CFAP97: variants seen among roughly 807,000 people sequenced by gnomAD.
CFAP97 encodes the protein cilia- and flagella-associated protein 97.
CFAP97 carries 36 observed loss-of-function variants against 43.1 expected under a neutral mutation model. The ratio of observed to expected loss-of-function variants is 0.84; its 90% CI spans 0.64 to 1.10. CFAP97 has a LOEUF of 1.10. CFAP97 is among the 50% of genes least tolerant of loss of function. The probability of loss-of-function intolerance (pLI) is 0.00; values close to 1 mark genes in which losing one functional copy is unlikely to be tolerated. For synonymous variants in CFAP97, 228 were observed against 225.7 expected, an observed-to-expected ratio of 1.01 and a Z score of -0.09; for missense variants, 657 against 620.3, an observed-to-expected ratio of 1.06 and a Z score of -0.63.
chr4:185,181,553 G>A (rs1049235198), intron 2 of CFAP97, among the ~76,000 whole-genome samples: 3 of 151,946 alleles, frequency 2.0e-5, no homozygotes, highest in African/African-American at 4.8e-5. Context: ...TCGAACACCC[G>A]ACCTCAGGTG....
At chr4:185,185,388 T>A (rs1735967010) in intron 2 of CFAP97, among the ~76,000 whole-genome samples, 1 of 152,200 alleles carries the variant, frequency 6.6e-6, no homozygotes, top group Non-Finnish European at 1.5e-5. Flanking sequence ...TGATTTAATT[T>A]CAACCACCAT....
At chr4:185,181,506 G>A (rs1422371688) in intron 2 of CFAP97, among the ~76,000 whole-genome samples, 1 of 151,638 alleles carries the variant, frequency 6.6e-6, no homozygotes, top group Non-Finnish European at 1.5e-5. Context: ...TGTATTTTTA[G>A]TAGAGACAGG....
intron 3 of CFAP97, chr4:185,170,242 A>G: frequency 1.6e-6 from 1 of 643,386 alleles, no homozygotes; most frequent in Admixed American, 2.3e-5. Context: ...GTTACTTGGG[A>G]GGCCGAGGCA....
chr4:185,201,999 A>G (rs1736855417), intron 1 of CFAP97, among the ~76,000 whole-genome samples: 1 of 151,648 alleles, frequency 6.6e-6, no homozygotes, highest in South Asian at 2.1e-4. Flanking sequence ...TTACAGCCCC[A>G]GCTGCAGACC....
intron 3 of CFAP97, among the ~76,000 whole-genome samples, chr4:185,173,951 T>C (rs368612292): frequency 9.8e-4 from 149 of 152,246 alleles, no homozygotes; most frequent in Middle Eastern, 3.4e-3. Context: ...ACACGTTAAA[T>C]GGGTAATGGT....
At chr4:185,204,799 G>A (rs908419981), upstream of CFAP97, among the ~76,000 whole-genome samples, 5 of 152,206 alleles carry the variant, frequency 3.3e-5, no homozygotes, top group African/African-American at 1.2e-4. Flanking sequence ...GAGGCAATGA[G>A]CCAAGGAGTG....
At chr4:185,199,826 C>A (rs1416197699) in intron 1 of CFAP97, among the ~76,000 whole-genome samples, 2 of 115,772 alleles carry the variant, frequency 1.7e-5, no homozygotes, top group Non-Finnish European at 4.0e-5. Context: ...AGATCGACTG[C>A]TCAGACAAAA....
chr4:185,166,888 A>G (rs1560854232), intron 3 of CFAP97, among the ~76,000 whole-genome samples: 3 of 152,212 alleles, frequency 2.0e-5, no homozygotes, highest in Non-Finnish European at 4.4e-5. Context: ...ACCTTGTCCA[A>G]CCTGTGGCTT....
chr4:185,172,463 A>G (rs1292977312), intron 3 of CFAP97, among the ~76,000 whole-genome samples: 1 of 152,174 alleles, frequency 6.6e-6, no homozygotes, highest in African/African-American at 2.4e-5. Flanking sequence ...TTTCCATCTA[A>G]ATAGCCTCTG....
rs6839874 is a variant in CFAP97, at chr4:185,169,923, T to A, written c.1321-5744A>T. ...CCAATGAAGTAAAGTATACATTATT[T>A]CAAGATCTTAGAACAAAAGTACTGT... On this transcript the variant is annotated intron_variant, in intron 3 of 4. Transcript: ENST00000458385. 205 of 995,852 alleles carry A rather than the reference T, an allele frequency of 2.1e-4. No individual in the cohort carries two copies. In the African/African-American group the frequency reaches 3.4e-3, roughly 17 times the overall value. 61.7% of individuals were successfully genotyped at this position (995,852 alleles called of 1,614,324 possible).
intron 1 of CFAP97, among the ~76,000 whole-genome samples, chr4:185,197,102 T>TAAAAAAAAAA (rs60986571): frequency 1.2e-5 from 1 of 86,798 alleles, no homozygotes; most frequent in African/African-American, 4.8e-5. Context: ...CCCTCTTAAT[T>TAAAAAAAAAA]AAAAAAAAAA....
chr4:185,175,838 T>G lies in CFAP97; in HGVS notation c.1268A>C (p.His423Pro). The G allele has an allele frequency of 1.2e-6, 2 of 1,613,952 alleles. No individual in the cohort carries two copies. Among genetic ancestry groups the G allele is most frequent in the South Asian group, 2.2e-5 (2 of 91,076 alleles). ...RSADHPPKLY[H>P]SALNRQKEQQ... ...TTCCTTCTGTCTGTTGAGAGCACTG[T>G]GATATAACTTTGGGGGATGATCAGC... The change falls in exon 3 of 5, where the codon CAC (histidine) becomes CCC (proline). Residue 423 changes from histidine to proline, a missense_variant. His to Pro is a moderately conservative substitution (Grantham distance 77). Coordinates refer to ENST00000458385, the MANE Select transcript of CFAP97 (RefSeq NM_020827.3).
At chr4:185,173,145 T>C (rs944085124) in intron 3 of CFAP97, among the ~76,000 whole-genome samples, 2 of 151,938 alleles carry the variant, frequency 1.3e-5, no homozygotes, top group African/African-American at 4.8e-5. Flanking sequence ...GGGAGGATCA[T>C]GTGGTCAGGA....
intron 1 of CFAP97, among the ~76,000 whole-genome samples, chr4:185,192,834 G>A (rs989108864): frequency 7.2e-6 from 1 of 139,086 alleles, no homozygotes; most frequent in African/African-American, 2.8e-5. Context: ...TCCGCCTCCC[G>A]GGTTCACGCC....
At chr4:185,179,812 G>C (rs1735712834) in intron 2 of CFAP97, among the ~76,000 whole-genome samples, 1 of 152,202 alleles carries the variant, frequency 6.6e-6, no homozygotes, top group Admixed American at 6.5e-5. Flanking sequence ...CTGTGGCCAA[G>C]AGCATCCCAC....
chr4:185,196,809 G>A (rs555283128), intron 1 of CFAP97, among the ~76,000 whole-genome samples: 50 of 152,198 alleles, frequency 3.3e-4, no homozygotes, highest in African/African-American at 1.1e-3. Context: ...TTGAAGAAAT[G>A]TAGTTTAAGG....
chr4:185,162,506 CACT>C lies in CFAP97; in HGVS notation c.*289_*291del. The C allele has an allele frequency of 2.9e-6, 1 of 341,156 alleles. No homozygotes were observed. The highest frequency in any genetic ancestry group is 5.4e-6 in the Non-Finnish European group (1 of 184,120). The allele number at this position is 341,156 out of a possible 1,614,324, so 21.1% of individuals were successfully genotyped here. ...TGGGTACGACATGCAATGATACTAT[CACT>C]ACTATTTTGACAGCATGACAACTGA... On this transcript the variant is annotated 3_prime_UTR_variant, in exon 5 of 5. Coordinates refer to ENST00000458385, the MANE Select transcript of CFAP97 (RefSeq NM_020827.3).
In CFAP97 at chr4:185,161,384, A is replaced by T. The variant is rs1342210388; in HGVS notation, c.*1414T>A. 5 of 152,226 alleles carry T rather than the reference A, an allele frequency of 3.3e-5. No individual in the cohort carries two copies. The highest frequency in any genetic ancestry group is 6.5e-5 in the Admixed American group (1 of 15,278). 9.4% of individuals were successfully genotyped at this position (152,226 alleles called of 1,614,324 possible). A position where few individuals can be genotyped will look rare whatever the true frequency, so the allele number is the denominator to read the frequency against. On this transcript the variant is annotated 3_prime_UTR_variant, in exon 5 of 5. Coordinates refer to ENST00000458385, the MANE Select transcript of CFAP97 (RefSeq NM_020827.3). The stretch of plus-strand genomic sequence containing the variant: ...CACCTTACTGTTAAAGGTGCTAAGG[A>T]AAAAAGCATTCAGCATACATGCTAC...
chr4:185,190,375 T>C lies in CFAP97; in HGVS notation c.822A>G (p.Ala274=), dbSNP rs1286118280. 6.2e-7 allele frequency: 1 copy of C among 1,610,170 alleles called. No homozygotes were observed. The highest frequency in any genetic ancestry group is 8.5e-7 in the Non-Finnish European group (1 of 1,177,788). ...TTTTAATTTTCACTTTTTGATCATTTGCTATGCCCAGTTCAAAAGACTGAA... is the reference window on the plus strand; with the variant it reads ...TTTTAATTTTCACTTTTTGATCATTCGCTATGCCCAGTTCAAAAGACTGAA... ...SPLQSFELGI[A]NDQKVKIKKQ... Residue 274 remains alanine (A), a synonymous_variant, in exon 2 of 5, where the codon GCA becomes GCG. Coordinates refer to ENST00000458385, the MANE Select transcript of CFAP97 (RefSeq NM_020827.3).
Sources: gnomAD v4.1 joint callset for allele counts (sites outside exome capture counted in the v4.1 genomes callset) on GRCh38, gnomAD v4.1.1 for gene constraint, MANE v1.5 for transcripts, NCBI Gene and HGNC (gene_info 2026-07-23, HGNC 2026-07-21) for gene names.